Variants in ANKS1B observed in about 807,000 individuals in gnomAD.
ANKS1B encodes the protein ankyrin repeat and sterile alpha motif domain containing 1B, also known as ankyrin repeat and sterile alpha motif domain-containing protein 1B.
Under a neutral mutation model 148.3 loss-of-function variants are expected in ANKS1B, and 36 were observed. The observed-to-expected ratio is 0.24, with a 90% CI of 0.19 to 0.32. ANKS1B has a LOEUF of 0.32. Among genes scored for constraint, ANKS1B ranks in the 10% least tolerant of loss-of-function variants. ANKS1B has a pLI of 1.00. For missense variants in ANKS1B, 1,157 were observed against 1,542.6 expected (o/e 0.75, Z 4.19); for synonymous variants, 542 against 560.8 (o/e 0.97, Z 0.47).
intron 12 of ANKS1B, among the ~76,000 whole-genome samples, chr12:99,279,509 T>C (rs548490222): frequency 4.6e-5 from 7 of 152,218 alleles, no homozygotes; most frequent in African/African-American, 1.7e-4. Context: ...ATCCAGTTTC[T>C]CTCTCTATAG....
intron 11 of ANKS1B, among the ~76,000 whole-genome samples, chr12:99,443,357 A>G (rs1159145375): frequency 8.6e-5 from 13 of 151,984 alleles, no homozygotes; most frequent in African/African-American, 3.1e-4. Context: ...ACACCAGAAA[A>G]TATGTAACAG....
intron 17 of ANKS1B, among the ~76,000 whole-genome samples, chr12:99,012,750 A>G (rs1379318251): frequency 6.6e-6 from 1 of 152,146 alleles, no homozygotes; most frequent in African/African-American, 2.4e-5. Flanking sequence ...TAGTTTTACT[A>G]TGATATTCAT....
At chr12:99,544,054 T>C (rs1262513665) in intron 9 of ANKS1B, among the ~76,000 whole-genome samples, 1 of 152,156 alleles carries the variant, frequency 6.6e-6, no homozygotes, top group African/African-American at 2.4e-5. Context: ...GAGAGAAACA[T>C]ATATAAATAC....
intron 1 of ANKS1B, among the ~76,000 whole-genome samples, chr12:99,855,589 T>C (rs1165104154): frequency 6.6e-6 from 1 of 152,126 alleles, no homozygotes; most frequent in Non-Finnish European, 1.5e-5. Context: ...GAACATTCTA[T>C]GCAACAACTG....
In ANKS1B at chr12:98,744,630, CT is replaced by C. The variant is rs754159329; in HGVS notation, c.*1108del. The stretch of plus-strand genomic sequence containing the variant: ...TTTATTTAATCAAATAGTAAGCAAA[CT>C]TTTTTTTTGTTTGTCTCAAGAAAAG... On this transcript the variant is annotated 3_prime_UTR_variant, in exon 27 of 27. Coordinates refer to ENST00000683438, the MANE Select transcript of ANKS1B (RefSeq NM_001352186.2). 507 of 826,094 alleles carry C rather than the reference CT, an allele frequency of 6.1e-4. No individual in the cohort carries two copies. The highest frequency in any genetic ancestry group is 6.7e-4 in the Non-Finnish European group (463 of 687,660). 51.2% of individuals were successfully genotyped at this position (826,094 alleles called of 1,614,324 possible).
At chr12:99,974,595 G>A (rs1375147705) in intron 1 of ANKS1B, among the ~76,000 whole-genome samples, 4 of 152,068 alleles carry the variant, frequency 2.6e-5, no homozygotes, top group East Asian at 1.9e-4. Context: ...GAATTAGCCA[G>A]GCATGGTGGT....
intron 8 of ANKS1B, among the ~76,000 whole-genome samples, chr12:99,659,387 T>A (rs1050636039): frequency 1.5e-5 from 2 of 129,850 alleles, no homozygotes; most frequent in African/African-American, 6.3e-5. Context: ...TCCAGAAAGA[T>A]GTGAAAATTC....
intron 1 of ANKS1B, among the ~76,000 whole-genome samples, chr12:99,851,271 A>C (rs2087787720): frequency 6.6e-6 from 1 of 152,128 alleles, no homozygotes; most frequent in African/African-American, 2.4e-5. Flanking sequence ...TGTTCAGAGA[A>C]TTATTAACAT....
At chr12:99,648,465 T>C in intron 9 of ANKS1B, 2 of 1,614,156 alleles carry the variant, frequency 1.2e-6, no homozygotes, top group Non-Finnish European at 1.7e-6. Flanking sequence ...TCTGTGACAA[T>C]GCCAGGTGTG....
At chr12:98,930,863 A>G (rs1028847020) in intron 17 of ANKS1B, among the ~76,000 whole-genome samples, 2 of 152,134 alleles carry the variant, frequency 1.3e-5, no homozygotes, top group African/African-American at 2.4e-5. Context: ...TGAATTGTAC[A>G]TATTAAAGGA....
intron 12 of ANKS1B, among the ~76,000 whole-genome samples, chr12:99,347,938 A>G (rs1170774502): frequency 6.6e-6 from 1 of 152,028 alleles, no homozygotes; most frequent in African/African-American, 2.4e-5. Flanking sequence ...TTAAAGCCAT[A>G]GACAAAGAAC....
chr12:99,829,050 T>C (rs1216089611), intron 1 of ANKS1B, among the ~76,000 whole-genome samples: 1 of 151,880 alleles, frequency 6.6e-6, no homozygotes, highest in Non-Finnish European at 1.5e-5. Context: ...GGCAAAGATA[T>C]AGACAAATAG....
At chr12:98,927,192 G>T (rs1211900069) in intron 17 of ANKS1B, among the ~76,000 whole-genome samples, 6 of 152,004 alleles carry the variant, frequency 3.9e-5, no homozygotes, top group Admixed American at 3.9e-4. Context: ...CAAAAACCAT[G>T]AAATCCAGAA....
chr12:99,024,244 T>C (rs1366476867), intron 17 of ANKS1B, among the ~76,000 whole-genome samples: 1 of 152,126 alleles, frequency 6.6e-6, no homozygotes, highest in African/African-American at 2.4e-5. Flanking sequence ...CTAAAGAACA[T>C]TATGTATTTT....
chr12:98,738,424 C>T (rs1386290508), intron 9 of ANKS1B, among the ~76,000 whole-genome samples: 1 of 152,096 alleles, frequency 6.6e-6, no homozygotes, highest in African/African-American at 2.4e-5. Context: ...TCAGAGCAAC[C>T]GATCAAACTG....
chr12:99,176,916 A>G (rs187206421), intron 14 of ANKS1B, among the ~76,000 whole-genome samples: 30 of 152,288 alleles, frequency 2.0e-4, no homozygotes, highest in Admixed American at 2.0e-3. Context: ...TCTTTTCTTT[A>G]TAAATTACAT....
chr12:99,008,298 C>T (rs2099937345), intron 17 of ANKS1B, among the ~76,000 whole-genome samples: 1 of 152,062 alleles, frequency 6.6e-6, no homozygotes, highest in Non-Finnish European at 1.5e-5. Context: ...TTTTCTCCTC[C>T]CTCCCTCTCT....
chr12:98,873,094 A>G (rs746073296), intron 17 of ANKS1B, among the ~76,000 whole-genome samples: 2 of 152,208 alleles, frequency 1.3e-5, no homozygotes, highest in Non-Finnish European at 2.9e-5. Context: ...CTAGACCTAC[A>G]GTTGGGTTAT....
intron 16 of ANKS1B, among the ~76,000 whole-genome samples, chr12:99,058,875 C>T (rs1463415879): frequency 4.6e-5 from 7 of 150,572 alleles, no homozygotes; most frequent in African/African-American, 1.7e-4. Flanking sequence ...GTAGCTGGGA[C>T]TACAGGCGCC....
Sources: allele counts gnomAD v4.1 joint callset (sites outside exome capture counted in the v4.1 genomes callset), GRCh38; gene constraint gnomAD v4.1.1; transcripts MANE v1.5; gene names NCBI Gene and HGNC (gene_info 2026-07-23, HGNC 2026-07-21).